The following CLECL1 variants were observed in gnomAD, a reference collection of about 807,000 sequenced individuals.
CLECL1 encodes C-type lectin-like domain family 1.
chr12:9,732,907 A>C lies in CLECL1; in HGVS notation n.82+42T>G, dbSNP rs115549012. ...TAAGAAAGAAATAAAGGAGATAACT[A>C]GTAAAATCTTAATTCTCAAAGGCAC... is the stretch of plus-strand genomic sequence containing the variant. On this transcript the variant is annotated intron_variant and non_coding_transcript_variant, in intron 1 of 3. Transcript: ENST00000621400. The C allele has an allele frequency of 9.5e-4, 1,375 of 1,452,250 alleles. 18 individuals are homozygous for C. The African/African-American group carries it at 0.017, about 18-fold the overall frequency. 90.0% of individuals were successfully genotyped at this position (1,452,250 alleles called of 1,614,324 possible).
At chr12:9,717,686 T>C (rs10772074), downstream of CLECL1, among the ~76,000 whole-genome samples, 44,368 of 152,018 alleles carry the variant, frequency 0.29, 6,975 homozygotes, top group South Asian at 0.46. Context: ...TTAAAAACAA[T>C]CAGTTGACTA....
At chr12:9,720,341 ATT>A (rs777503358), downstream of CLECL1, among the ~76,000 whole-genome samples, 20 of 133,370 alleles carry the variant, frequency 1.5e-4, no homozygotes, top group Admixed American at 3.7e-4. Context: ...CCACCTCTGT[ATT>A]TTTTTTTTTT....
intron 1 of CLECL1, among the ~76,000 whole-genome samples, chr12:9,729,706 ACC>A (rs938035612): frequency 6.6e-6 from 1 of 152,156 alleles, no homozygotes; most frequent in Admixed American, 6.5e-5. Context: ...TCACTAGTAA[ACC>A]CAGCAGGTAG....
chr12:9,711,362 G>A (rs759557336), downstream of CLECL1, among the ~76,000 whole-genome samples: 2 of 152,172 alleles, frequency 1.3e-5, no homozygotes, highest in Non-Finnish European at 2.9e-5. Flanking sequence ...CTTCAGAATT[G>A]CATTGGCTAC....
At chr12:9,722,481 C>T, downstream of CLECL1, 1 of 1,264,388 alleles carries the variant, frequency 7.9e-7, no homozygotes, top group Non-Finnish European at 1.0e-6. Flanking sequence ...AAAAAAAAAC[C>T]TCAAAGGTAA....
At chr12:9,715,346 A>G (rs939835784), downstream of CLECL1, among the ~76,000 whole-genome samples, 2 of 152,148 alleles carry the variant, frequency 1.3e-5, no homozygotes, top group Non-Finnish European at 2.9e-5. Flanking sequence ...TCTAGCTATT[A>G]CTTTACTTGC....
downstream of CLECL1, chr12:9,722,463 G>C (rs1866324696): frequency 2.6e-6 from 3 of 1,143,612 alleles, no homozygotes; most frequent in Admixed American, 8.4e-5. Flanking sequence ...CCTCCTCCTA[G>C]CCGGAAAAAA....
At chr12:9,725,634 CTCAGGAACTTCAATGCATAAAACGTG>C (rs1866370918) in intron 3 of CLECL1, among the ~76,000 whole-genome samples, 2 of 152,100 alleles carry the variant, frequency 1.3e-5, no homozygotes, top group South Asian at 4.1e-4. Context: ...ATTTGTATAG[CTCAGGAACTTCAATGCATAAAACGTG>C]TCAGGGCATG....
At chr12:9,709,378 C>G in the CLECL1 span, 12 of 152,554 alleles carry the variant, frequency 7.9e-5, no homozygotes, top group African/African-American at 2.7e-4. Flanking sequence ...AAACAAGCCC[C>G]AGTCTCACTC....
chr12:9,731,558 CT>C (rs1359325116), intron 1 of CLECL1, among the ~76,000 whole-genome samples: 1 of 152,236 alleles, frequency 6.6e-6, no homozygotes, highest in Non-Finnish European at 1.5e-5. Flanking sequence ...TCCAACAGCT[CT>C]TTCGCTTGAT....
chr12:9,720,029 G>C (rs1415320864), downstream of CLECL1, among the ~76,000 whole-genome samples: 3 of 152,116 alleles, frequency 2.0e-5, no homozygotes, highest in East Asian at 5.8e-4. Context: ...GAGTGGAAGG[G>C]GTGATGGCTG....
the CLECL1 span, among the ~76,000 whole-genome samples, chr12:9,709,782 A>G: frequency 6.6e-6 from 1 of 152,182 alleles, no homozygotes; most frequent in Admixed American, 6.5e-5. Context: ...TGCATAGTGG[A>G]AGGCTAGTAT....
downstream of CLECL1, among the ~76,000 whole-genome samples, chr12:9,712,491 CAAATG>C (rs1450228443): frequency 6.6e-6 from 1 of 152,216 alleles, no homozygotes; most frequent in African/African-American, 2.4e-5. Context: ...ATGCAATCTA[CAAATG>C]AAATCTTTTT....
At chr12:9,720,503 G>A (rs141936221), downstream of CLECL1, among the ~76,000 whole-genome samples, 2,501 of 151,880 alleles carry the variant, frequency 0.016, 74 homozygotes, top group African/African-American at 0.057. Context: ...CACCACACCC[G>A]GCTAATTTTG....
chr12:9,733,153 G>C, upstream of CLECL1: 1 of 1,614,018 alleles, frequency 6.2e-7, no homozygotes, highest in Non-Finnish European at 8.5e-7. Context: ...CTCCCCAAGT[G>C]GGTGGTGGAC....
At chr12:9,706,508 C>T in the CLECL1 span, among the ~76,000 whole-genome samples, 1 of 152,024 alleles carries the variant, frequency 6.6e-6, no homozygotes, top group Non-Finnish European at 1.5e-5. Flanking sequence ...ATATATGACT[C>T]ATTATTTTGA....
the CLECL1 span, among the ~76,000 whole-genome samples, chr12:9,708,226 G>A: frequency 6.6e-6 from 1 of 152,108 alleles, no homozygotes; most frequent in East Asian, 1.9e-4. Context: ...GGATTAGGAG[G>A]GCCCACTTGC....
chr12:9,712,258 A>G (rs1866205423), downstream of CLECL1, among the ~76,000 whole-genome samples: 2 of 152,198 alleles, frequency 1.3e-5, no homozygotes, highest in African/African-American at 4.8e-5. Flanking sequence ...TTCTGCACAC[A>G]TTATTTAGAA....
chr12:9,715,902 A>C (rs1178766338), exon 3 of CLECL1: 2 of 151,716 alleles, frequency 1.3e-5, no homozygotes, highest in African/African-American at 4.9e-5. Context: ...TGCTCCTTTT[A>C]CTCACATCAT....
Sources: allele counts gnomAD v4.1 joint callset (sites outside exome capture counted in the v4.1 genomes callset), GRCh38; gene constraint gnomAD v4.1.1; transcripts MANE v1.5; gene names NCBI Gene and HGNC (gene_info 2026-07-23, HGNC 2026-07-21).